CDH18: variants seen among roughly 807,000 people sequenced by gnomAD.
CDH18 encodes cadherin-18.
CDH18 carries 31 observed loss-of-function variants against 67.9 expected under a neutral mutation model. The ratio of observed to expected loss-of-function variants is 0.46; its 90% confidence interval spans 0.34 to 0.62. The LOEUF is 0.62. CDH18 is among the 20% of genes least tolerant of loss of function. The probability of loss-of-function intolerance (pLI) is 0.01; values close to 1 mark genes in which losing one functional copy is unlikely to be tolerated. For missense variants in CDH18, 890 were observed against 975.5 expected, an observed-to-expected ratio of 0.91 and a Z score of 1.17; for synonymous variants, 362 against 347.2, an observed-to-expected ratio of 1.04 and a Z score of -0.48.
chr5:20,282,642 A>G (rs1345899582), intron 1 of CDH18, among the ~76,000 whole-genome samples: 2 of 152,046 alleles, frequency 1.3e-5, no homozygotes, highest in African/African-American at 4.8e-5. Flanking sequence ...ATATTTTTGC[A>G]TCGATGTTCA....
At chr5:19,964,278 A>G (rs140916611) in intron 2 of CDH18, among the ~76,000 whole-genome samples, 79 of 152,174 alleles carry the variant, frequency 5.2e-4, no homozygotes, top group Non-Finnish European at 1.0e-3. Context: ...TGTCATGCAG[A>G]CAAGTTGAAA....
chr5:19,581,609 C>T (rs542129302), intron 7 of CDH18, among the ~76,000 whole-genome samples: 42 of 152,040 alleles, frequency 2.8e-4, no homozygotes, highest in Non-Finnish European at 2.9e-5. Flanking sequence ...CTCTTCATGA[C>T]CTCTTCTTTG....
At chr5:20,370,030 T>G (rs1742845667) in intron 1 of CDH18, among the ~76,000 whole-genome samples, 1 of 152,146 alleles carries the variant, frequency 6.6e-6, no homozygotes, top group Non-Finnish European at 1.5e-5. Flanking sequence ...AAATTTCCAT[T>G]TTTATTAATA....
intron 1 of CDH18, among the ~76,000 whole-genome samples, chr5:20,354,114 A>AT (rs1288350525): frequency 6.6e-6 from 1 of 152,178 alleles, no homozygotes; most frequent in Non-Finnish European, 1.5e-5. Context: ...TTCAGAAATT[A>AT]TTTTTTTGAT....
chr5:20,292,870 G>A (rs1747208073), intron 1 of CDH18, among the ~76,000 whole-genome samples: 1 of 152,076 alleles, frequency 6.6e-6, no homozygotes, highest in South Asian at 2.1e-4. Context: ...TAGGACTAAG[G>A]ACTACCTGCT....
At chr5:19,767,142 C>G (rs1325675212) in intron 3 of CDH18, among the ~76,000 whole-genome samples, 1 of 151,754 alleles carries the variant, frequency 6.6e-6, no homozygotes, top group Non-Finnish European at 1.5e-5. Flanking sequence ...CAGGAGAAAA[C>G]TTGGCTCAGT....
intron 3 of CDH18, among the ~76,000 whole-genome samples, chr5:19,769,581 C>T (rs143634427): frequency 6.6e-6 from 1 of 151,982 alleles, no homozygotes. Flanking sequence ...TATTCCAACA[C>T]CTTATAAGCA....
At chr5:19,864,611 C>T (rs1210009243) in intron 2 of CDH18, among the ~76,000 whole-genome samples, 1 of 152,164 alleles carries the variant, frequency 6.6e-6, no homozygotes, top group Admixed American at 6.5e-5. Flanking sequence ...AGTTGCAGAA[C>T]CCTTCTGATC....
intron 1 of CDH18, among the ~76,000 whole-genome samples, chr5:20,524,299 A>T (rs1755915164): frequency 6.6e-6 from 1 of 152,202 alleles, no homozygotes; most frequent in Non-Finnish European, 1.5e-5. Context: ...AGATTCAGAT[A>T]TATCTTTAAA....
chr5:20,471,807 C>T (rs1036631115), intron 1 of CDH18, among the ~76,000 whole-genome samples: 6 of 115,152 alleles, frequency 5.2e-5, no homozygotes, highest in African/African-American at 2.0e-4. Flanking sequence ...AGCACTCCAG[C>T]CTGGGCAACA....
chr5:19,473,460 C>T lies in CDH18; in HGVS notation c.2139G>A (p.Gln713=). ...TSSTLESIDV[Q]EFIKQRLAEA... is the part of the protein sequence containing the mutation. The stretch of plus-strand genomic sequence containing the variant: ...CTGCCAGTCTTTGCTTAATAAATTC[C>T]TGAACATCTATGCTTTCCAGGGTGG... Residue 713 remains glutamine, a synonymous_variant, in exon 13 of 13, where the codon CAG becomes CAA. Transcript: ENST00000382275. 6.2e-7 allele frequency: 1 copy of T among 1,613,880 alleles called. No individual in the cohort carries two copies. Among genetic ancestry groups the T allele is most frequent in the Non-Finnish European group, 8.5e-7 (1 of 1,179,922 alleles).
chr5:20,329,324 C>A (rs1738932924), intron 1 of CDH18, among the ~76,000 whole-genome samples: 1 of 152,062 alleles, frequency 6.6e-6, no homozygotes, highest in East Asian at 1.9e-4. Context: ...CTAATATTTG[C>A]ATTTTAAAAC....
intron 2 of CDH18, among the ~76,000 whole-genome samples, chr5:20,228,913 T>C (rs937582724): frequency 5.3e-5 from 8 of 152,092 alleles, no homozygotes; most frequent in African/African-American, 1.7e-4. Context: ...CATCAGTCTT[T>C]TGTGTGAGAT....
At chr5:19,561,727 G>A (rs1048798555) in intron 8 of CDH18, among the ~76,000 whole-genome samples, 1 of 152,008 alleles carries the variant, frequency 6.6e-6, no homozygotes, top group Admixed American at 6.6e-5. Context: ...GTTTGGCCTA[G>A]GGGAAAAAAT....
chr5:20,367,639 T>C (rs1439925580), intron 1 of CDH18, among the ~76,000 whole-genome samples: 1 of 152,232 alleles, frequency 6.6e-6, no homozygotes, highest in Non-Finnish European at 1.5e-5. Flanking sequence ...CATATGCTAA[T>C]GTTCCTATGA....
At chr5:19,867,701 T>C (rs1199856511) in intron 2 of CDH18, among the ~76,000 whole-genome samples, 1 of 116,984 alleles carries the variant, frequency 8.5e-6, no homozygotes, top group Non-Finnish European at 1.9e-5. Flanking sequence ...AAGATATGCA[T>C]ATAATAATAC....
chr5:20,114,476 T>A (rs972569758), intron 2 of CDH18, among the ~76,000 whole-genome samples: 4 of 152,032 alleles, frequency 2.6e-5, no homozygotes, highest in African/African-American at 9.7e-5. Flanking sequence ...AAGTGAAAGT[T>A]GTGATCTGGA....
At chr5:20,317,944 A>C (rs954011035) in intron 1 of CDH18, among the ~76,000 whole-genome samples, 10 of 152,226 alleles carry the variant, frequency 6.6e-5, no homozygotes, top group Non-Finnish European at 1.2e-4. Flanking sequence ...TAATTTTGTA[A>C]ACTGCTGCAT....
intron 2 of CDH18, among the ~76,000 whole-genome samples, chr5:19,905,151 A>G (rs188489508): frequency 1.3e-3 from 205 of 152,276 alleles, no homozygotes; most frequent in African/African-American, 4.7e-3. Flanking sequence ...AAGCATTCCG[A>G]TTTCCAAGTT....
Sources: allele counts gnomAD v4.1 joint callset (sites outside exome capture counted in the v4.1 genomes callset), GRCh38; gene constraint gnomAD v4.1.1; transcripts MANE v1.5; gene names NCBI Gene and HGNC (gene_info 2026-07-23, HGNC 2026-07-21).